SYTL3: variants seen among roughly 807,000 people sequenced by gnomAD.
SYTL3 encodes synaptotagmin like 3, also known as synaptotagmin-like protein 3.
SYTL3 carries 88 observed loss-of-function variants against 82.1 expected under a neutral mutation model. The ratio of observed to expected loss-of-function variants is 1.07; its 90% confidence interval spans 0.90 to 1.28. The LOEUF (loss-of-function observed/expected upper bound fraction) is 1.28, where lower values mean the gene tolerates loss of function less well. Ranked by LOEUF, SYTL3 falls within the 50% of genes most tolerant of loss-of-function variation. The pLI is 0.00. For synonymous variants in SYTL3, 311 were observed against 289.4 expected, an observed-to-expected ratio of 1.07 and a Z score of -0.76; for missense variants, 831 against 757.6, an observed-to-expected ratio of 1.10 and a Z score of -1.14.
intron 5 of SYTL3, among the ~76,000 whole-genome samples, chr6:158,670,826 T>C (rs1160691457): frequency 2.0e-5 from 3 of 151,444 alleles, no homozygotes; most frequent in South Asian, 2.1e-4. Flanking sequence ...TTTTTGAGAC[T>C]GAGTCTCGCT....
upstream of SYTL3, among the ~76,000 whole-genome samples, chr6:158,648,607 AAAT>A (rs1554234541): frequency 7.7e-4 from 98 of 127,296 alleles, 1 homozygote; most frequent in Middle Eastern, 3.9e-3. Context: ...AAAAAAAAAA[AAAT>A]AATAATAATA....
intron 11 of SYTL3, among the ~76,000 whole-genome samples, chr6:158,737,405 G>A (rs1394568403): frequency 6.6e-6 from 1 of 152,180 alleles, no homozygotes; most frequent in Non-Finnish European, 1.5e-5. Flanking sequence ...ATTTAGCTGT[G>A]GCTTCAGTTG....
At chr6:158,648,775 C>T (rs749476653), upstream of SYTL3, among the ~76,000 whole-genome samples, 9 of 151,936 alleles carry the variant, frequency 5.9e-5, no homozygotes, top group East Asian at 1.9e-4. Flanking sequence ...CAGAAGAAGA[C>T]GATGAGGACG....
intron 2 of SYTL3, among the ~76,000 whole-genome samples, chr6:158,652,556 T>G (rs1788151768): frequency 6.7e-6 from 1 of 148,574 alleles, no homozygotes; most frequent in Non-Finnish European, 1.5e-5. Context: ...GCCTTATTTA[T>G]TTTTTTGAGA....
chr6:158,757,239 C>G lies in SYTL3; in HGVS notation c.1166C>G (p.Thr389Ser). 6.2e-7 allele frequency: 1 copy of G among 1,611,296 alleles called. No homozygotes were observed. The highest frequency in any genetic ancestry group is 1.1e-5 in the South Asian group (1 of 91,030). ...KYQVAPAQLVTRQLQVSVWHL... is the reference protein window; with the variant it reads ...KYQVAPAQLVSRQLQVSVWHL... ...CAGGTGGCCCCTGCCCAGCTGGTGA[C>G]CCGGCAGCTGCAGGTCTCGGTGTGG... is the stretch of plus-strand genomic sequence containing the variant. The change falls in exon 14 of 18, where the codon ACC becomes AGC. Residue 389 changes from threonine to serine, a missense_variant. By Grantham distance (58) the Thr-to-Ser change is moderately conservative. Coordinates refer to ENST00000611299, the MANE Select transcript of SYTL3 (RefSeq NM_001242394.2).
chr6:158,760,699 G>T lies in SYTL3; in HGVS notation c.1368G>T (p.Lys456Asn), dbSNP rs372111805. The stretch of plus-strand genomic sequence containing the variant: ...ATGGAGAGCTCACAGTCCGGGCTAA[G>T]CTGGTTCTCCCTTCACGGCCCAGAA... ...QSNGELTVRA[K>N]LVLPSRPRKL... is the part of the protein sequence containing the mutation. The change falls in exon 15 of 18, where the codon AAG becomes AAT. Residue 456 changes from lysine (K) to asparagine (N), a missense_variant. Transcript: ENST00000611299. The T allele has an allele frequency of 2.5e-6, 4 of 1,614,166 alleles. No individual in the cohort carries two copies.
chr6:158,691,514 G>T (rs376648624), intron 6 of SYTL3, among the ~76,000 whole-genome samples: 3 of 152,230 alleles, frequency 2.0e-5, no homozygotes, highest in East Asian at 1.9e-4. Context: ...TCTGCTAAGC[G>T]TATAGAAATG....
chr6:158,718,090 T>G lies in SYTL3; in HGVS notation c.599T>G (p.Leu200Arg). 5 of 1,532,218 alleles carry G rather than the reference T, an allele frequency of 3.3e-6. No individual in the cohort carries two copies. The highest frequency in any genetic ancestry group is 4.4e-6 in the Non-Finnish European group (5 of 1,138,256). 94.9% of individuals were successfully genotyped at this position (1,532,218 alleles called of 1,614,324 possible). A position where few individuals can be genotyped will look rare whatever the true frequency, so the allele number is the denominator to read the frequency against. Residue 200 changes from leucine (L) to arginine (R), a missense_variant, in exon 10 of 18, where the codon CTC becomes CGC. Transcript: ENST00000611299. ...FLSLATHVKK[L>R]SKSQNDMTSE... Reference sequence around the variant, plus strand: ...AACCCTTGTGTTTGCCTTTTAGAGCTCTCCAAATCCCAGAATGATATGACT... The same window carrying G: ...AACCCTTGTGTTTGCCTTTTAGAGCGCTCCAAATCCCAGAATGATATGACT...
intron 11 of SYTL3, among the ~76,000 whole-genome samples, chr6:158,736,146 T>G (rs1187060913): frequency 6.6e-6 from 1 of 152,116 alleles, no homozygotes; most frequent in Non-Finnish European, 1.5e-5. Flanking sequence ...GGTCAGGAGT[T>G]TGAGACCATC....
Position 158,745,546 on chromosome 6 carries a change from G to A in SYTL3, c.922G>A (p.Gly308Arg). ...MGNFDNANVT[G>R]EIEFAIHYCF... The stretch of plus-strand genomic sequence containing the variant: ...CAATTTTGACAATGCTAATGTCACT[G>A]GAGAAATAGAATTTGCCATTCATTA... Residue 308 changes from glycine (G) to arginine (R), a missense_variant, in exon 12 of 18, where the codon GGA becomes AGA. Transcript: ENST00000611299. 1.2e-6 allele frequency: 2 copies of A among 1,613,738 alleles called. No homozygotes were observed. Among genetic ancestry groups the A allele is most frequent in the Non-Finnish European group, 1.7e-6 (2 of 1,179,918 alleles).
At chr6:158,758,568 C>T (rs988696398) in intron 14 of SYTL3, among the ~76,000 whole-genome samples, 2 of 152,172 alleles carry the variant, frequency 1.3e-5, no homozygotes, top group African/African-American at 2.4e-5. Flanking sequence ...CCGGAGCCAG[C>T]GCAGCTGGGA....
chr6:158,748,708 G>A (rs1787970383), intron 12 of SYTL3, among the ~76,000 whole-genome samples: 4 of 151,874 alleles, frequency 2.6e-5, no homozygotes, highest in Admixed American at 2.6e-4. Context: ...AGCCGGGCAT[G>A]GTGGCAGGCA....
chr6:158,722,431 C>T (rs558347232), intron 10 of SYTL3, among the ~76,000 whole-genome samples: 19 of 152,158 alleles, frequency 1.2e-4, no homozygotes, highest in African/African-American at 3.9e-4. Context: ...CGCGGTGACT[C>T]GGGGATGTTA....
Position 158,718,170 on chromosome 6 carries a change from A to G in SYTL3, c.679A>G (p.Arg227Gly). The change falls in exon 10 of 18, where the codon AGA becomes GGA. Residue 227 changes from arginine to glycine, a missense_variant. Arg to Gly is a moderately radical substitution (Grantham distance 125). Coordinates refer to ENST00000611299, the MANE Select transcript of SYTL3 (RefSeq NM_001242394.2). The part of the protein sequence containing the change: ...GPRQCVGQTE[R>G]RSQSDTAVNV... ...CAGGCAGTGTGTGGGACAGACAGAG[A>G]GACGGAGCCAGTCTGACACTGCGGT... The G allele has an allele frequency of 6.5e-7, 1 of 1,545,224 alleles. No individual in the cohort carries two copies. Among genetic ancestry groups the G allele is most frequent in the Non-Finnish European group, 8.7e-7 (1 of 1,144,334 alleles).
chr6:158,646,213 G>A (rs562990676), upstream of SYTL3, among the ~76,000 whole-genome samples: 1 of 152,260 alleles, frequency 6.6e-6, no homozygotes, highest in African/African-American at 2.4e-5. Flanking sequence ...GAGCTAAGAT[G>A]TGTTGAAGTT....
chr6:158,746,669 T>C (rs1415577308), intron 12 of SYTL3, among the ~76,000 whole-genome samples: 3 of 151,792 alleles, frequency 2.0e-5, no homozygotes, highest in East Asian at 1.9e-4. Context: ...TTTCACCATA[T>C]TGGCCAGGCT....
chr6:158,729,566 C>CTTTT (rs34172320), intron 11 of SYTL3, among the ~76,000 whole-genome samples: 2 of 132,910 alleles, frequency 1.5e-5, no homozygotes, highest in African/African-American at 2.8e-5. Flanking sequence ...CTTTCTTTTT[C>CTTTT]TTTTTTTTTT....
upstream of SYTL3, among the ~76,000 whole-genome samples, chr6:158,645,150 C>T (rs767287180): frequency 1.1e-4 from 17 of 152,156 alleles, no homozygotes; most frequent in Non-Finnish European, 2.4e-4. Flanking sequence ...CCCGGTGAGA[C>T]GTTGTTGCAG....
chr6:158,724,804 C>T (rs1784514570), intron 10 of SYTL3, among the ~76,000 whole-genome samples: 1 of 152,196 alleles, frequency 6.6e-6, no homozygotes, highest in East Asian at 1.9e-4. Context: ...CACTTGAGGT[C>T]AGGAGTTTGA....
Sources: allele counts gnomAD v4.1 joint callset (sites outside exome capture counted in the v4.1 genomes callset), GRCh38; gene constraint gnomAD v4.1.1; transcripts MANE v1.5; gene names NCBI Gene and HGNC (gene_info 2026-07-23, HGNC 2026-07-21).